SRSF4: variants seen among roughly 807,000 people sequenced by gnomAD.
The protein encoded by SRSF4 is serine and arginine rich splicing factor 4, also known as serine/arginine-rich splicing factor 4.
SRSF4 carries 12 observed loss-of-function variants against 48.8 expected under a neutral mutation model. The observed-to-expected ratio is 0.25, with a 90% confidence interval of 0.16 to 0.40. SRSF4 has a LOEUF of 0.40. SRSF4 is among the 10% of genes least tolerant of loss of function. SRSF4 has a pLI of 1.00. For missense variants in SRSF4, 466 were observed against 667.1 expected, an observed-to-expected ratio of 0.70 and a Z score of 3.32; for synonymous variants, 248 against 232.5, an observed-to-expected ratio of 1.07 and a Z score of -0.61.
chr1:29,155,086 A>G (rs1446912566), intron 3 of SRSF4, among the ~76,000 whole-genome samples, 176 bp from the exon 4 acceptor site: 1 of 152,194 alleles, frequency 6.6e-6, no homozygotes, highest in African/African-American at 2.4e-5. Context: ...AGCACCAGCC[A>G]TATTAGGTGG....
At chr1:29,154,476 T>G in intron 4 of SRSF4, 2 of 546,858 alleles carry the variant, frequency 3.7e-6, no homozygotes, top group Non-Finnish European at 6.3e-6. Context: ...ATTACAGGCG[T>G]GAGCAAGGCC....
rs1672576570 is a variant in SRSF4 at position 29,160,484 on chromosome 1, A to G, written c.141T>C (p.Asp47=). 2 of 1,612,988 alleles carry G rather than the reference A, an allele frequency of 1.2e-6. No homozygotes were observed. The highest frequency in any genetic ancestry group is 1.7e-6 in the Non-Finnish European group (2 of 1,179,730). The change falls in exon 2 of 6, where the codon GAT becomes GAC. Residue 47 remains aspartate, a synonymous_variant. Transcript: ENST00000373795. The stretch of plus-strand genomic sequence containing the variant: ...TCAGTTCATAAACAGCATCATCTGC[A>G]TCACGCAGATCATCAAACTCCACAA... ...YGFVEFDDLR[D]ADDAVYELNG...
In SRSF4 at chr1:29,159,478, C is replaced by T; in HGVS notation, c.259G>A (p.Gly87Ser). 6.2e-7 allele frequency: 1 copy of T among 1,612,372 alleles called. No individual in the cohort carries two copies. ...GSYGSGRSGYGYRRSGRDKYG... is the reference protein window; with the variant it reads ...GSYGSGRSGYSYRRSGRDKYG... ...TTATCTCGGCCACTTCTTCTATAAC[C>T]ATATCCACCTTTGGAAGGTTCAAAT... Residue 87 changes from glycine to serine, a missense_variant, in exon 3 of 6, where the codon GGT (glycine) becomes AGT (serine). Gly to Ser is a moderately conservative substitution (Grantham distance 56). Coordinates refer to ENST00000373795, the MANE Select transcript of SRSF4 (RefSeq NM_005626.5).
chr1:29,164,845 GA>G (rs1672647425), intron 1 of SRSF4, among the ~76,000 whole-genome samples: 1 of 152,172 alleles, frequency 6.6e-6, no homozygotes, highest in African/African-American at 2.4e-5. Flanking sequence ...CTTCAAGTAA[GA>G]GAAGAAACTC....
chr1:29,179,045 T>C (rs1672913743), intron 1 of SRSF4, among the ~76,000 whole-genome samples: 1 of 152,172 alleles, frequency 6.6e-6, no homozygotes. Context: ...AACAGTTCCT[T>C]AAAAAAACCA....
At chr1:29,152,218 T>C (rs975467395) in intron 4 of SRSF4, among the ~76,000 whole-genome samples, 1 of 152,218 alleles carries the variant, frequency 6.6e-6, no homozygotes, top group African/African-American at 2.4e-5. Flanking sequence ...TCTTTTAAAA[T>C]ACTACAGATA....
At chr1:29,159,272 A>G (rs948486558) in intron 3 of SRSF4, 102 bp downstream of exon 3, 4 of 710,380 alleles carry the variant, frequency 5.6e-6, no homozygotes, top group South Asian at 3.6e-5. Flanking sequence ...TTTCAAACAT[A>G]TAACACTGTA....
Position 29,175,414 on chromosome 1 carries a change from G to A in SRSF4, c.107+6232C>T, listed in dbSNP as rs900539659. On this transcript the variant is annotated intron_variant, in intron 1 of 5. Coordinates refer to ENST00000373795, the MANE Select transcript of SRSF4 (RefSeq NM_005626.5). ...AGACTCCATCTCAAAAAAAATTTCC[G>A]GCCGGGCGTGGTGGCTCACGCCTGT... 6.0e-5 allele frequency among the ~76,000 whole-genome samples: 9 copies of A among 150,720 alleles called. No homozygotes were observed. In the South Asian group the frequency reaches 1.3e-3, roughly 21 times the overall value.
intron 2 of SRSF4, 61 bp downstream of exon 2, chr1:29,160,314 T>C (rs560518192): frequency 2.6e-6 from 4 of 1,509,764 alleles, no homozygotes; most frequent in East Asian, 4.9e-5. Flanking sequence ...TTAATTACTT[T>C]AAAAATTAGC....
Position 29,164,070 on chromosome 1 carries a change from T to TG in SRSF4, c.108-3554dup, listed in dbSNP as rs1558390447. Among the ~76,000 whole-genome samples, 3 of 152,306 alleles carry TG rather than the reference T, an allele frequency of 2.0e-5. No individual in the cohort carries two copies. The East Asian group carries it at 5.8e-4, about 29-fold the overall frequency. ...CTCAATATGTTATCCAGGCTGGACT[T>TG]GAACTCCTGGGATCAAGGGATCCTG... is the stretch of plus-strand genomic sequence containing the variant. On this transcript the variant is annotated intron_variant, in intron 1 of 5. Transcript: ENST00000373795.
chr1:29,163,724 T>G (rs1355137261), intron 1 of SRSF4, among the ~76,000 whole-genome samples: 3 of 152,172 alleles, frequency 2.0e-5, no homozygotes, highest in East Asian at 1.9e-4. Context: ...GTTTTACAAA[T>G]GAAGAAATCA....
chr1:29,177,137 T>C (rs548478452), intron 1 of SRSF4, among the ~76,000 whole-genome samples: 2 of 152,288 alleles, frequency 1.3e-5, no homozygotes, highest in Non-Finnish European at 2.9e-5. Context: ...AAATGGCTTA[T>C]TATAAAAAAT....
At chr1:29,150,033 A>G (rs1558386189) in intron 5 of SRSF4, 70 bp downstream of exon 5, 2 of 1,356,806 alleles carry the variant, frequency 1.5e-6, no homozygotes, top group East Asian at 2.4e-5. Flanking sequence ...GAAAAAAAAA[A>G]GAAAAAAAAG....
chr1:29,156,520 T>C (rs1193102723), intron 3 of SRSF4, among the ~76,000 whole-genome samples: 1 of 152,160 alleles, frequency 6.6e-6, no homozygotes, highest in Non-Finnish European at 1.5e-5. Context: ...GAAATTAGTA[T>C]TAACCCCATT....
chr1:29,156,443 T>C (rs964715955), intron 3 of SRSF4, among the ~76,000 whole-genome samples: 1 of 152,188 alleles, frequency 6.6e-6, no homozygotes, highest in Non-Finnish European at 1.5e-5. Context: ...TAACATACAT[T>C]GTGCCAGAAA....
At chr1:29,160,257 A>G (rs777968341) in intron 2 of SRSF4, 118 bp downstream of exon 2, 75 of 1,212,574 alleles carry the variant, frequency 6.2e-5, no homozygotes, top group Non-Finnish European at 7.7e-5. Flanking sequence ...AAAGATACAT[A>G]ATTTACAAAA....
chr1:29,176,979 T>C (rs373429947), intron 1 of SRSF4, among the ~76,000 whole-genome samples: 2 of 150,750 alleles, frequency 1.3e-5, no homozygotes, highest in East Asian at 3.9e-4. Flanking sequence ...TTCTAGCTAC[T>C]AGACAGGCAA....
chr1:29,171,525 G>C (rs1195427559), intron 1 of SRSF4: 1 of 151,398 alleles, frequency 6.6e-6, no homozygotes, highest in Non-Finnish European at 1.5e-5. Flanking sequence ...GTACAAACTA[G>C]GGACAACACT....
chr1:29,159,496 G>T lies in SRSF4; in HGVS notation c.251-10C>A, dbSNP rs1343319392. 1.3e-6 allele frequency: 2 copies of T among 1,595,168 alleles called. No homozygotes were observed. Among genetic ancestry groups the T allele is most frequent in the Non-Finnish European group, 1.7e-6 (2 of 1,164,840 alleles). ...CTATAACCATATCCACCTTTGGAAG[G>T]TTCAAATAAATAAGATTATTTCAGT... is the stretch of plus-strand genomic sequence containing the variant. On this transcript the variant is annotated splice_polypyrimidine_tract_variant and intron_variant, in intron 2 of 5. Coordinates refer to ENST00000373795, the MANE Select transcript of SRSF4 (RefSeq NM_005626.5).
Sources: allele counts gnomAD v4.1 joint callset (sites outside exome capture counted in the v4.1 genomes callset), GRCh38; gene constraint gnomAD v4.1.1; transcripts MANE v1.5; gene names NCBI Gene and HGNC (gene_info 2026-07-23, HGNC 2026-07-21).